Variants in CATIP observed in about 807,000 individuals in gnomAD.
The protein encoded by CATIP is ciliogenesis-associated TTC17-interacting protein.
A neutral mutation model predicts 42.5 loss-of-function variants in CATIP; 40 were observed. The observed-to-expected ratio is 0.94, with a 90% CI of 0.73 to 1.22. CATIP has a LOEUF of 1.22. Ranked by LOEUF, CATIP falls within the 50% of genes most tolerant of loss-of-function variation. The probability of loss-of-function intolerance (pLI) is 0.00; values close to 1 mark genes in which losing one functional copy is unlikely to be tolerated. For missense variants in CATIP, 489 were observed against 496.0 expected, an observed-to-expected ratio of 0.99 and a Z score of 0.13; for synonymous variants, 222 against 200.2, an observed-to-expected ratio of 1.11 and a Z score of -0.92.
At chr2:218,357,844 C>A (rs1695089569) in intron 3 of CATIP, 110 bp downstream of exon 3, 9 of 1,242,064 alleles carry the variant, frequency 7.2e-6, no homozygotes, top group Non-Finnish European at 1.1e-5. Flanking sequence ...TGCCTTGGAC[C>A]AGGACAAGGC....
At chr2:218,357,417 C>T (rs1695067364) in intron 2 of CATIP, 117 bp from the exon 3 acceptor site, 1 of 866,782 alleles carries the variant, frequency 1.2e-6, no homozygotes, top group Non-Finnish European at 1.8e-6. Context: ...GTGAGGAAGG[C>T]TGTGGGATGA....
chr2:218,362,692 C>A, intron 5 of CATIP, 43 bp from the exon 6 acceptor site: 1 of 1,589,808 alleles, frequency 6.3e-7, no homozygotes, highest in East Asian at 2.3e-5. Context: ...GTCCCCTGCC[C>A]CTTCCTGGTT....
rs1695489970 is a variant in CATIP, at chr2:218,367,413, C to T, written c.833-17C>T. ...TTCCGGGGTAGGGACGCCCAGCCTTCCTTGTTCCCCACCTAGATGAGATTG... is the reference window on the plus strand; with the variant it reads ...TTCCGGGGTAGGGACGCCCAGCCTTTCTTGTTCCCCACCTAGATGAGATTG... On this transcript the variant is annotated splice_polypyrimidine_tract_variant and intron_variant, in intron 8 of 9. Coordinates refer to ENST00000289388, the MANE Select transcript of CATIP (RefSeq NM_198559.2). 6.2e-7 allele frequency: 1 copy of T among 1,612,916 alleles called. No individual in the cohort carries two copies. The highest frequency in any genetic ancestry group is 8.5e-7 in the Non-Finnish European group (1 of 1,178,914).
chr2:218,360,734 T>G, intron 5 of CATIP, 75 bp downstream of exon 5: 1 of 1,179,460 alleles, frequency 8.5e-7, no homozygotes, highest in African/African-American at 1.5e-5. Flanking sequence ...CCAGATCAAT[T>G]TAGAGAGTTT....
intron 6 of CATIP, 90 bp downstream of exon 6, chr2:218,362,992 G>T (rs1020564955): frequency 4.6e-6 from 6 of 1,305,622 alleles, no homozygotes; most frequent in Non-Finnish European, 5.2e-6. Flanking sequence ...CTGTGGAGTA[G>T]AAAAGGGAGG....
intron 7 of CATIP, 170 bp from the exon 8 acceptor site, chr2:218,366,854 C>A (rs1695459704): frequency 4.6e-6 from 3 of 649,990 alleles, no homozygotes; most frequent in African/African-American, 1.8e-5. Flanking sequence ...CTCATAAGGG[C>A]ACTAATCCTA....
intron 4 of CATIP, 81 bp downstream of exon 4, chr2:218,358,173 A>C: frequency 9.0e-7 from 1 of 1,110,622 alleles, no homozygotes; most frequent in Non-Finnish European, 1.3e-6. Flanking sequence ...GCAACAACAA[A>C]CCAAAAAACC....
At chr2:218,357,259 G>GTCTCTCTCTCTCTCTC (rs144807145) in intron 2 of CATIP, 72 bp downstream of exon 2, 17,492 of 599,020 alleles carry the variant, frequency 0.029, 253 homozygotes, top group Admixed American at 0.042. Context: ...AGAAAGTCCA[G>GTCTCTCTCTCTCTCTC]TCTCTCTCTC....
chr2:218,358,932 C>T (rs376275751), intron 4 of CATIP, among the ~76,000 whole-genome samples: 36 of 150,984 alleles, frequency 2.4e-4, no homozygotes, highest in East Asian at 7.9e-4. Flanking sequence ...AGGTTGGGCA[C>T]GGTGGCTCAC....
At chr2:218,357,844 C>G in intron 3 of CATIP, 110 bp downstream of exon 3, 1 of 1,242,066 alleles carries the variant, frequency 8.1e-7, no homozygotes, top group Non-Finnish European at 1.2e-6. Context: ...TGCCTTGGAC[C>G]AGGACAAGGC....
Position 218,367,108 on chromosome 2 carries a change from A to G in CATIP, c.832+8A>G, listed in dbSNP as rs747019650. 1.2e-6 allele frequency: 2 copies of G among 1,608,008 alleles called. No individual in the cohort carries two copies. Among genetic ancestry groups the G allele is most frequent in the African/African-American group, 1.3e-5 (1 of 74,804 alleles). The stretch of plus-strand genomic sequence containing the variant: ...CCATCTTGAGGGAAGAGGGTGAGTG[A>G]AGCCCAGGCCTTGTGCAGGCAGGGA... On this transcript the variant is annotated splice_region_variant and intron_variant, in intron 8 of 9. Coordinates refer to ENST00000289388, the MANE Select transcript of CATIP (RefSeq NM_198559.2).
At chr2:218,358,219 G>A (rs1244256112) in intron 4 of CATIP, 127 bp downstream of exon 4, 9 of 748,596 alleles carry the variant, frequency 1.2e-5, no homozygotes, top group South Asian at 3.5e-5. Flanking sequence ...AATAGCAATC[G>A]TGTTATGATG....
chr2:218,358,077 C>T lies in CATIP; in HGVS notation c.360C>T (p.Ser120=). The T allele has an allele frequency of 1.2e-6, 2 of 1,613,950 alleles. No homozygotes were observed. The highest frequency in any genetic ancestry group is 1.7e-6 in the Non-Finnish European group (2 of 1,179,906). Residue 120 remains serine (S), a synonymous_variant, in exon 4 of 10, where the codon AGC becomes AGT. Coordinates refer to ENST00000289388, the MANE Select transcript of CATIP (RefSeq NM_198559.2). The part of the protein sequence containing the change: ...SEKLELMEQH[S]QDFIKFLILP... ...AGCTGGAGCTCATGGAACAGCACAG[C>T]CAAGACTTCATCAAGGTACTTCCCA... is the stretch of plus-strand genomic sequence containing the variant.
chr2:218,363,181 A>T (rs1194585259), intron 6 of CATIP, among the ~76,000 whole-genome samples: 1 of 152,252 alleles, frequency 6.6e-6, no homozygotes, highest in African/African-American at 2.4e-5. Flanking sequence ...GGGCTGATTT[A>T]AAAAATACAT....
intron 5 of CATIP, among the ~76,000 whole-genome samples, chr2:218,360,939 T>C (rs1372907391): frequency 6.6e-6 from 1 of 151,348 alleles, no homozygotes; most frequent in Admixed American, 6.6e-5. Flanking sequence ...CAAGTGATTC[T>C]CCTGCCTCAG....
intron 6 of CATIP, 32 bp downstream of exon 6, chr2:218,362,934 T>G (rs1270442921): frequency 6.3e-7 from 1 of 1,586,366 alleles, no homozygotes; most frequent in Middle Eastern, 1.7e-4. Context: ...GGGACTTGGC[T>G]TGGGAGCGAA....
At chr2:218,361,717 T>C (rs1184559925) in intron 5 of CATIP, among the ~76,000 whole-genome samples, 1 of 152,198 alleles carries the variant, frequency 6.6e-6, no homozygotes, top group Non-Finnish European at 1.5e-5. Context: ...GTAGCTACCT[T>C]GTTTAGGAAT....
intron 5 of CATIP, 25 bp from the exon 6 acceptor site, chr2:218,362,710 C>A: frequency 6.2e-7 from 1 of 1,607,796 alleles, no homozygotes; most frequent in East Asian, 2.2e-5. Context: ...GTTCCAGGAC[C>A]CTGACCCAGA....
At chr2:218,363,280 AC>A (rs1393522953) in intron 6 of CATIP, among the ~76,000 whole-genome samples, 1 of 151,000 alleles carries the variant, frequency 6.6e-6, no homozygotes, top group East Asian at 1.9e-4. Context: ...GGAGATCTAG[AC>A]CATCCTGGCT....
Sources: allele counts gnomAD v4.1 joint callset (sites outside exome capture counted in the v4.1 genomes callset), GRCh38; gene constraint gnomAD v4.1.1; transcripts MANE v1.5; gene names NCBI Gene and HGNC (gene_info 2026-07-23, HGNC 2026-07-21).